Variants in HEG1 observed in about 807,000 individuals in gnomAD.
HEG1 encodes the protein protein HEG homolog 1.
A neutral mutation model predicts 125.6 loss-of-function variants in HEG1; 56 were observed. That is an observed-to-expected ratio of 0.45 (90% CI 0.36 to 0.56). HEG1 has a LOEUF of 0.56. HEG1 is among the 20% of genes least tolerant of loss of function. The pLI is 0.00. For missense variants in HEG1, 1,523 were observed against 1,670.0 expected (o/e 0.91, Z 1.53); for synonymous variants, 644 against 668.5 (o/e 0.96, Z 0.57).
At chr3:124,980,663 C>T (rs552435310) in intron 14 of HEG1, among the ~76,000 whole-genome samples, 11 of 152,112 alleles carry the variant, frequency 7.2e-5, no homozygotes, top group South Asian at 4.2e-4. Context: ...ATTACAGGCA[C>T]GCGCCACCAT....
intron 16 of HEG1, 160 bp from the exon 17 acceptor site, chr3:124,970,961 T>C: frequency 1.5e-6 from 1 of 686,036 alleles, no homozygotes; most frequent in East Asian, 2.8e-5. Flanking sequence ...AAAGTATCTT[T>C]CTCTCTGGAG....
At chr3:124,974,398 C>A (rs1019832708) in intron 15 of HEG1, among the ~76,000 whole-genome samples, 1 of 152,058 alleles carries the variant, frequency 6.6e-6, no homozygotes, top group Non-Finnish European at 1.5e-5. Flanking sequence ...TGGGGCAGCT[C>A]CAACTCAGTA....
At position 124,992,236 on chromosome 3, in the gene HEG1, C is replaced by G. The variant is rs866316997; in HGVS notation, c.3653-1250G>C. On this transcript the variant is annotated intron_variant, in intron 12 of 16. Coordinates refer to ENST00000311127, the MANE Select transcript of HEG1 (RefSeq NM_020733.2). The stretch of plus-strand genomic sequence containing the variant: ...GCCCAAGAACAGAACTTTGAACCCT[C>G]GGGTGGTGCAGCTCATGGAACGCTA... Among the ~76,000 whole-genome samples the G allele has an allele frequency of 7.9e-5, 12 of 152,276 alleles. No homozygotes were observed. The South Asian group carries it at 2.3e-3, about 29-fold the overall frequency.
chr3:125,023,262 G>C (rs1937362938), intron 3 of HEG1, among the ~76,000 whole-genome samples: 1 of 152,044 alleles, frequency 6.6e-6, no homozygotes. Flanking sequence ...TGGTGATACT[G>C]AATTCAGCCT....
At chr3:124,992,813 C>T (rs1391807081) in intron 12 of HEG1, among the ~76,000 whole-genome samples, 1 of 152,248 alleles carries the variant, frequency 6.6e-6, no homozygotes, top group Non-Finnish European at 1.5e-5. Context: ...TCTAAATCAT[C>T]TGTAATGTGT....
chr3:125,019,470 C>T lies in HEG1; in HGVS notation c.1380G>A (p.Leu460=). 1.9e-6 allele frequency: 3 copies of T among 1,613,988 alleles called. No individual in the cohort carries two copies. The highest frequency in any genetic ancestry group is 1.7e-5 in the Admixed American group (1 of 60,016). ...RGGEITAHWL[L]TNSTTSADVT... ...CATCTGCAGATGTTGTGCTGTTGGT[C>T]AAGAGCCAGTGTGCAGTGATCTCTC... Residue 460 remains leucine (L), a synonymous_variant, in exon 5 of 17, where the codon TTG becomes TTA. Coordinates refer to ENST00000311127, the MANE Select transcript of HEG1 (RefSeq NM_020733.2).
intron 11 of HEG1, among the ~76,000 whole-genome samples, chr3:124,998,867 A>G (rs1008630311): frequency 7.9e-5 from 12 of 152,132 alleles, no homozygotes; most frequent in Non-Finnish European, 1.5e-5. Context: ...TGCTGTTGTT[A>G]TTGGGGGGCA....
intron 3 of HEG1, 107 bp downstream of exon 3, chr3:125,027,098 T>C: frequency 1.8e-6 from 2 of 1,100,672 alleles, no homozygotes; most frequent in African/African-American, 1.6e-5. Context: ...GCTTGATGTC[T>C]TTTCCCCTTA....
intron 14 of HEG1, among the ~76,000 whole-genome samples, chr3:124,989,032 T>C (rs1936789097): frequency 6.6e-6 from 1 of 152,200 alleles, no homozygotes; most frequent in Non-Finnish European, 1.5e-5. Flanking sequence ...CTATCTTCTG[T>C]AACCTCTTGC....
chr3:125,005,265 C>T lies in HEG1; in HGVS notation c.3297G>A (p.Thr1099=), dbSNP rs747301982. ...GAAAGATGCCATTCAGGACACTTAC[C>T]GTTTTGGTGATCTCATTTTCAACTT... ...LQEVENEITK[T]LNMCFSALPS... The change falls in exon 9 of 17, where the codon ACG becomes ACA. Residue 1099 remains threonine (T), a splice_region_variant and synonymous_variant. Coordinates refer to ENST00000311127, the MANE Select transcript of HEG1 (RefSeq NM_020733.2). 1.2e-5 allele frequency: 19 copies of T among 1,560,480 alleles called. No individual in the cohort carries two copies. The highest frequency in any genetic ancestry group is 9.5e-5 in the African/African-American group (7 of 73,484).
At chr3:124,982,673 T>C (rs991097264) in intron 14 of HEG1, among the ~76,000 whole-genome samples, 1 of 152,248 alleles carries the variant, frequency 6.6e-6, no homozygotes, top group Non-Finnish European at 1.5e-5. Flanking sequence ...TATTTGTTTA[T>C]GTTTATATGC....
rs1421099950 is a variant in HEG1 at position 125,055,590 on chromosome 3, T to C, written c.301A>G (p.Arg101Gly). Residue 101 changes from arginine (R) to glycine (G), a missense_variant, in exon 1 of 17, where the codon AGA (arginine) becomes GGA (glycine). Physicochemically the swap from Arg to Gly is moderately radical, Grantham distance 125 (BLOSUM62 -2). Transcript: ENST00000311127. ...TQRGPSGRAP[R>G]GGSADAAWKH... ...TCTCACTCACCCGCGCTCCCGCCTCTGGGGGCCCGGCCGGAGGGTCCCCGC... is the reference window on the plus strand; with the variant it reads ...TCTCACTCACCCGCGCTCCCGCCTCCGGGGGCCCGGCCGGAGGGTCCCCGC... 4.8e-5 allele frequency: 58 copies of C among 1,200,994 alleles called. No homozygotes were observed. The East Asian group carries it at 2.0e-3, about 41-fold the overall frequency. The allele number at this position is 1,200,994 out of a possible 1,614,324, so 74.4% of individuals were successfully genotyped here.
intron 1 of HEG1, among the ~76,000 whole-genome samples, chr3:125,043,324 G>C (rs1006563350): frequency 6.6e-6 from 1 of 152,122 alleles, no homozygotes; most frequent in Non-Finnish European, 1.5e-5. Context: ...AGGTGGCCTC[G>C]GGCATGAAGG....
Position 124,991,005 on chromosome 3 carries a change from A to G in HEG1, c.3653-19T>C. 6.5e-7 allele frequency: 1 copy of G among 1,549,682 alleles called. No homozygotes were observed. The highest frequency in any genetic ancestry group is 8.7e-7 in the Non-Finnish European group (1 of 1,144,300). On this transcript the variant is annotated intron_variant, in intron 12 of 16. Transcript: ENST00000311127. The stretch of plus-strand genomic sequence containing the variant: ...TCACATGCTGAAAGACAAAAGGAAA[A>G]TGCATGAGTGTGTCTATTTACCTCT...
At chr3:125,048,746 T>G (rs993276743) in intron 1 of HEG1, among the ~76,000 whole-genome samples, 3 of 152,244 alleles carry the variant, frequency 2.0e-5, no homozygotes, top group African/African-American at 7.2e-5. Context: ...TCACTCTGGC[T>G]TCTGTGAGTA....
intron 12 of HEG1, among the ~76,000 whole-genome samples, chr3:124,995,110 G>A (rs1936895708): frequency 1.3e-5 from 2 of 152,072 alleles, no homozygotes; most frequent in Non-Finnish European, 1.5e-5. Context: ...ACCAGACTCG[G>A]CAACATGGCA....
intron 5 of HEG1, among the ~76,000 whole-genome samples, chr3:125,015,542 T>C (rs1937232341): frequency 6.6e-6 from 1 of 152,190 alleles, no homozygotes; most frequent in Non-Finnish European, 1.5e-5. Context: ...GGGCTTGTTT[T>C]TTTGTCTTCT....
chr3:125,042,679 G>A (rs1026621855), intron 1 of HEG1, among the ~76,000 whole-genome samples: 13 of 152,296 alleles, frequency 8.5e-5, no homozygotes, highest in African/African-American at 3.1e-4. Context: ...TCCCTTCCAC[G>A]GCTGCCAGTC....
intron 1 of HEG1, among the ~76,000 whole-genome samples, chr3:125,032,704 T>G (rs1937512561): frequency 6.6e-6 from 1 of 152,188 alleles, no homozygotes; most frequent in African/African-American, 2.4e-5. Flanking sequence ...CAATGAGACA[T>G]TATTCTCCAA....
Sources: gnomAD v4.1 joint callset for allele counts (sites outside exome capture counted in the v4.1 genomes callset) on GRCh38, gnomAD v4.1.1 for gene constraint, MANE v1.5 for transcripts, NCBI Gene and HGNC (gene_info 2026-07-23, HGNC 2026-07-21) for gene names.